CCSER1: variants seen among roughly 807,000 people sequenced by gnomAD.
CCSER1 encodes the protein serine-rich coiled-coil domain-containing protein 1.
Under a neutral mutation model 82.0 loss-of-function variants are expected in CCSER1, and 41 were observed. That is an observed-to-expected ratio of 0.50 (90% CI 0.39 to 0.65). CCSER1 has a LOEUF of 0.65. Among genes scored for constraint, CCSER1 ranks in the 30% least tolerant of loss-of-function variants. CCSER1 has a pLI of 0.00. For synonymous variants in CCSER1, 414 were observed against 383.9 expected (o/e 1.08, Z -0.92); for missense variants, 1,119 against 1,064.2 (o/e 1.05, Z -0.72).
At chr4:90,527,876 A>G (rs1773987218) in intron 5 of CCSER1, among the ~76,000 whole-genome samples, 1 of 152,142 alleles carries the variant, frequency 6.6e-6, no homozygotes, top group Non-Finnish European at 1.5e-5. Flanking sequence ...TTAAAGCTTT[A>G]CCTAAAATAT....
intron 4 of CCSER1, among the ~76,000 whole-genome samples, chr4:90,421,217 C>G (rs1168035727): frequency 6.6e-6 from 1 of 152,128 alleles, no homozygotes; most frequent in Non-Finnish European, 1.5e-5. Flanking sequence ...TATAGACTTT[C>G]TATTCATCAG....
chr4:90,813,906 G>T (rs974021149), intron 7 of CCSER1, among the ~76,000 whole-genome samples: 9 of 152,274 alleles, frequency 5.9e-5, no homozygotes, highest in African/African-American at 1.9e-4. Flanking sequence ...CAGTGCCCCA[G>T]TGGGGATTCT....
intron 7 of CCSER1, among the ~76,000 whole-genome samples, chr4:90,746,834 T>TA (rs1039033090): frequency 6.6e-5 from 10 of 152,234 alleles, no homozygotes; most frequent in African/African-American, 1.4e-4. Flanking sequence ...ACTTTACAGA[T>TA]AAGGAATTTG....
intron 1 of CCSER1, among the ~76,000 whole-genome samples, chr4:90,302,503 A>C (rs1296747930): frequency 6.6e-6 from 1 of 152,182 alleles, no homozygotes; most frequent in Non-Finnish European, 1.5e-5. Flanking sequence ...GAAAGTGATT[A>C]GAATATGGCA....
intron 3 of CCSER1, among the ~76,000 whole-genome samples, chr4:90,373,083 A>G (rs1216981646): frequency 2.6e-5 from 4 of 152,022 alleles, no homozygotes; most frequent in Non-Finnish European, 4.4e-5. Flanking sequence ...ACTGATTTTT[A>G]GGTAGTATGC....
At chr4:90,736,902 CA>C (rs1483037816) in intron 7 of CCSER1, among the ~76,000 whole-genome samples, 5 of 151,882 alleles carry the variant, frequency 3.3e-5, no homozygotes, top group Non-Finnish European at 5.9e-5. Flanking sequence ...TTGCAAGTAA[CA>C]ACTTATAACC....
At chr4:90,747,238 G>A (rs921899593) in intron 7 of CCSER1, among the ~76,000 whole-genome samples, 4 of 152,086 alleles carry the variant, frequency 2.6e-5, no homozygotes, top group Non-Finnish European at 4.4e-5. Context: ...TAATAATTTC[G>A]AGCCATCTTT....
chr4:91,583,005 G>A (rs1763805732), intron 10 of CCSER1, among the ~76,000 whole-genome samples: 1 of 151,324 alleles, frequency 6.6e-6, no homozygotes, highest in Non-Finnish European at 1.5e-5. Context: ...ATCCCATACT[G>A]TATATCGTTG....
At chr4:91,183,154 A>G (rs1383347428) in intron 10 of CCSER1, among the ~76,000 whole-genome samples, 3 of 152,242 alleles carry the variant, frequency 2.0e-5, no homozygotes, top group Non-Finnish European at 4.4e-5. Context: ...CGGTAAATAA[A>G]GTCATCAGTT....
At chr4:91,351,023 T>G (rs1748435203) in intron 10 of CCSER1, among the ~76,000 whole-genome samples, 1 of 152,006 alleles carries the variant, frequency 6.6e-6, no homozygotes, top group Non-Finnish European at 1.5e-5. Context: ...TGTATTTATT[T>G]GTACTCTACC....
At chr4:91,272,499 C>A (rs927151332) in intron 10 of CCSER1, among the ~76,000 whole-genome samples, 15 of 152,028 alleles carry the variant, frequency 9.9e-5, no homozygotes, top group Admixed American at 3.9e-4. Context: ...GGGTATTTGT[C>A]CTTTGTCAGA....
intron 7 of CCSER1, among the ~76,000 whole-genome samples, chr4:90,765,953 T>A (rs964924157): frequency 1.3e-5 from 2 of 152,176 alleles, no homozygotes; most frequent in East Asian, 3.9e-4. Context: ...TTTTAAGAAA[T>A]TTATGACTGT....
intron 10 of CCSER1, among the ~76,000 whole-genome samples, chr4:91,491,244 T>C (rs901803015): frequency 6.6e-6 from 1 of 151,916 alleles, no homozygotes; most frequent in African/African-American, 2.4e-5. Context: ...GGTGCTTACA[T>C]GTAATCTAGA....
chr4:90,751,866 G>T (rs527708674), intron 7 of CCSER1, among the ~76,000 whole-genome samples: 1 of 152,114 alleles, frequency 6.6e-6, no homozygotes, highest in East Asian at 1.9e-4. Context: ...AAATTAAAAA[G>T]TATAGGATAT....
At chr4:90,285,032 G>T (rs72879756) in intron 1 of CCSER1, among the ~76,000 whole-genome samples, 8,453 of 151,704 alleles carry the variant, frequency 0.056, 652 homozygotes, top group African/African-American at 0.17. Flanking sequence ...CTGTTTTGGG[G>T]GTTATTGTAG....
intron 10 of CCSER1, among the ~76,000 whole-genome samples, chr4:91,163,469 C>G (rs1036644159): frequency 6.6e-6 from 1 of 152,044 alleles, no homozygotes; most frequent in African/African-American, 2.4e-5. Flanking sequence ...GAGCTGAGTT[C>G]AATTCCTGGA....
Position 91,470,662 on chromosome 4 carries a change from G to A in CCSER1, c.2218-127910G>A, listed in dbSNP as rs980953774. ...AATAGTAGTGGTTACCTGGAGGGCT[G>A]TGTACAGAGGAATTTTAGGTTGAAT... is the stretch of plus-strand genomic sequence containing the variant. On this transcript the variant is annotated intron_variant, in intron 10 of 10. Coordinates refer to ENST00000509176, the MANE Select transcript of CCSER1 (RefSeq NM_001145065.2). Among the ~76,000 whole-genome samples the A allele has an allele frequency of 2.6e-5, 4 of 152,050 alleles. No individual in the cohort carries two copies. The East Asian group carries it at 5.8e-4, about 22-fold the overall frequency.
chr4:90,340,776 C>A (rs1741240420), intron 3 of CCSER1, among the ~76,000 whole-genome samples: 1 of 152,024 alleles, frequency 6.6e-6, no homozygotes, highest in African/African-American at 2.4e-5. Flanking sequence ...AATCAAAGTA[C>A]AGTTTAATTT....
intron 10 of CCSER1, among the ~76,000 whole-genome samples, chr4:91,421,821 C>T (rs1172793687): frequency 6.7e-6 from 1 of 148,254 alleles, no homozygotes; most frequent in African/African-American, 2.5e-5. Context: ...AAAAAAAAAC[C>T]ACAATGAGAA....
Sources: allele counts gnomAD v4.1 joint callset (sites outside exome capture counted in the v4.1 genomes callset), GRCh38; gene constraint gnomAD v4.1.1; transcripts MANE v1.5; gene names NCBI Gene and HGNC (gene_info 2026-07-23, HGNC 2026-07-21).